The following TAFA4 variants were observed in gnomAD, a reference collection of about 807,000 sequenced individuals.
TAFA4 encodes TAFA chemokine like family member 4, also known as chemokine-like protein TAFA-4.
TAFA4 carries 20 observed loss-of-function variants against 21.1 expected under a neutral mutation model. That is an observed-to-expected ratio of 0.95 (90% CI 0.67 to 1.38). The LOEUF is 1.38. Ranked by LOEUF, TAFA4 falls within the 40% of genes most tolerant of loss-of-function variation. TAFA4 has a pLI of 0.00. For missense variants in TAFA4, 211 were observed against 180.9 expected, an observed-to-expected ratio of 1.17 and a Z score of -0.95; for synonymous variants, 71 against 67.4, an observed-to-expected ratio of 1.05 and a Z score of -0.26.
chr3:68,844,385 G>A (rs1454799260), intron 3 of TAFA4, among the ~76,000 whole-genome samples: 1 of 151,242 alleles, frequency 6.6e-6, no homozygotes, highest in Non-Finnish European at 1.5e-5. Flanking sequence ...ACTTTTTATT[G>A]TGTCTATTTG....
At chr3:68,787,795 A>T (rs1703288132) in intron 3 of TAFA4, among the ~76,000 whole-genome samples, 1 of 152,254 alleles carries the variant, frequency 6.6e-6, no homozygotes, top group Non-Finnish European at 1.5e-5. Context: ...ATTTTCCTTA[A>T]AGAATGATGG....
intron 3 of TAFA4, among the ~76,000 whole-genome samples, chr3:68,779,081 G>C (rs530285059): frequency 2.2e-4 from 34 of 152,318 alleles, no homozygotes; most frequent in Admixed American, 9.8e-4. Flanking sequence ...TAGAGGAAAA[G>C]TTACTCTTGT....
chr3:68,750,001 G>T (rs1306200223), intron 4 of TAFA4, among the ~76,000 whole-genome samples: 2 of 152,196 alleles, frequency 1.3e-5, no homozygotes, highest in African/African-American at 4.8e-5. Context: ...GAACATTTTA[G>T]TAGACAGCAC....
intron 3 of TAFA4, among the ~76,000 whole-genome samples, chr3:68,809,149 T>C (rs1658523595): frequency 6.6e-6 from 1 of 152,212 alleles, no homozygotes; most frequent in Non-Finnish European, 1.5e-5. Flanking sequence ...GGAATGCCCT[T>C]TTACCCTAGA....
intron 3 of TAFA4, among the ~76,000 whole-genome samples, chr3:68,778,155 A>G (rs1703082813): frequency 6.6e-6 from 1 of 152,194 alleles, no homozygotes; most frequent in Non-Finnish European, 1.5e-5. Context: ...TAAGAAACCC[A>G]CTTTAACTAT....
At position 68,746,398 on chromosome 3, in the gene TAFA4, ATATTC is replaced by A. The variant is rs1702458839; in HGVS notation, c.286+6460_286+6464del. The stretch of plus-strand genomic sequence containing the variant: ...AGAACCCTAATACACATGGTGAAAG[ATATTC>A]TAAAGAAAAATGTATGTTTCTACTG... On this transcript the variant is annotated intron_variant, in intron 4 of 5. Transcript: ENST00000295569. Among the ~76,000 whole-genome samples the A allele has an allele frequency of 2.0e-5, 3 of 152,214 alleles. No homozygotes were observed. In the South Asian group the frequency reaches 6.2e-4, roughly 31 times the overall value.
chr3:68,750,825 G>C (rs1046616368), intron 4 of TAFA4, among the ~76,000 whole-genome samples: 5 of 152,142 alleles, frequency 3.3e-5, no homozygotes, highest in African/African-American at 1.2e-4. Context: ...CAAACATATT[G>C]TCTGTAGAGA....
chr3:68,818,416 G>A (rs894646261), intron 3 of TAFA4, among the ~76,000 whole-genome samples: 1 of 152,160 alleles, frequency 6.6e-6, no homozygotes, highest in Non-Finnish European at 1.5e-5. Context: ...CACTGGTATG[G>A]CACTGTTAAT....
At chr3:68,811,897 G>A (rs1251649224) in intron 3 of TAFA4, among the ~76,000 whole-genome samples, 7 of 152,164 alleles carry the variant, frequency 4.6e-5, no homozygotes, top group African/African-American at 1.7e-4. Context: ...TTGAAATGAA[G>A]GAAAAAATGT....
At chr3:68,826,405 T>C (rs1559534558) in intron 3 of TAFA4, among the ~76,000 whole-genome samples, 1 of 152,012 alleles carries the variant, frequency 6.6e-6, no homozygotes, top group Non-Finnish European at 1.5e-5. Flanking sequence ...AATCTGTCTC[T>C]ACTAAAAATA....
intron 3 of TAFA4, among the ~76,000 whole-genome samples, chr3:68,794,288 A>C (rs1035549766): frequency 6.6e-6 from 1 of 152,132 alleles, no homozygotes; most frequent in South Asian, 2.1e-4. Flanking sequence ...AATCATTAAC[A>C]TGGGGAGGTT....
intron 3 of TAFA4, among the ~76,000 whole-genome samples, chr3:68,788,609 G>T (rs1478979718): frequency 1.3e-5 from 2 of 151,714 alleles, no homozygotes; most frequent in African/African-American, 4.8e-5. Flanking sequence ...TAGGCGTTGT[G>T]TTTACATATT....
intron 3 of TAFA4, among the ~76,000 whole-genome samples, chr3:68,879,611 T>C (rs2089593298): frequency 6.6e-6 from 1 of 152,236 alleles, no homozygotes; most frequent in African/African-American, 2.4e-5. Context: ...ATTGATTTTA[T>C]GCTGATTTGC....
chr3:68,915,571 T>C (rs1215139396), intron 1 of TAFA4, among the ~76,000 whole-genome samples: 3 of 152,194 alleles, frequency 2.0e-5, no homozygotes, highest in Non-Finnish European at 2.9e-5. Context: ...AAAATGGTGA[T>C]GGAAGATGAA....
At chr3:68,813,676 A>AG (rs1301395529) in intron 3 of TAFA4, among the ~76,000 whole-genome samples, 1 of 152,232 alleles carries the variant, frequency 6.6e-6, no homozygotes, top group Non-Finnish European at 1.5e-5. Flanking sequence ...AATAATTAAT[A>AG]GCTTACCAAC....
chr3:68,872,641 T>C (rs186651857), intron 3 of TAFA4, among the ~76,000 whole-genome samples: 2 of 152,278 alleles, frequency 1.3e-5, no homozygotes, highest in African/African-American at 4.8e-5. Flanking sequence ...ATTGTATATA[T>C]GTATCAAAAT....
At chr3:68,870,169 A>C (rs2089466502) in intron 3 of TAFA4, among the ~76,000 whole-genome samples, 1 of 152,108 alleles carries the variant, frequency 6.6e-6, no homozygotes, top group African/African-American at 2.4e-5. Context: ...CTACAAAGAA[A>C]ACTATTAAAC....
At chr3:68,790,541 AG>A (rs1291843534) in intron 3 of TAFA4, among the ~76,000 whole-genome samples, 2 of 152,236 alleles carry the variant, frequency 1.3e-5, no homozygotes, top group Non-Finnish European at 2.9e-5. Context: ...ATGGGGAAAA[AG>A]GACCATGCTG....
intron 3 of TAFA4, among the ~76,000 whole-genome samples, chr3:68,858,200 G>A (rs1050224906): frequency 5.3e-5 from 8 of 152,204 alleles, no homozygotes; most frequent in East Asian, 3.9e-4. Flanking sequence ...TGATTCACTC[G>A]TAAGAAAGAA....
Sources: gnomAD v4.1 joint callset for allele counts (sites outside exome capture counted in the v4.1 genomes callset) on GRCh38, gnomAD v4.1.1 for gene constraint, MANE v1.5 for transcripts, NCBI Gene and HGNC (gene_info 2026-07-23, HGNC 2026-07-21) for gene names.